Variants in SMCHD1 observed in about 807,000 individuals in gnomAD.
SMCHD1 encodes structural maintenance of chromosomes flexible hinge domain-containing protein 1.
SMCHD1 carries 78 observed loss-of-function variants against 254.7 expected under a neutral mutation model. The ratio of observed to expected loss-of-function variants is 0.31; its 90% CI spans 0.26 to 0.37. The LOEUF is 0.37. Ranked by LOEUF, SMCHD1 falls within the 10% of genes least tolerant of loss-of-function variation. SMCHD1 has a pLI of 1.00. For synonymous variants in SMCHD1, 766 were observed against 794.9 expected (o/e 0.96, Z 0.61); for missense variants, 1,840 against 2,408.1 (o/e 0.76, Z 4.94).
intron 1 of SMCHD1, among the ~76,000 whole-genome samples, chr18:2,663,816 G>T (rs897474844): frequency 1.3e-5 from 2 of 152,040 alleles, no homozygotes; most frequent in African/African-American, 4.8e-5. Context: ...CCGGGTTCAC[G>T]CCATTCTCCT....
rs1445352304 is a variant in SMCHD1, at chr18:2,784,585, G to C, written c.5683G>C (p.Val1895Leu). The change falls in exon 45 of 48, where the codon GTT becomes CTT. Residue 1895 changes from valine to leucine, a missense_variant. This residue lies in a region of SMCHD1 where 132 missense variants were observed against 138.2 expected (regional missense o/e 0.95). Transcript: ENST00000320876. ...TCGGGGAATGGTATTTGGAGCTCCA[G>C]TTCCAAAACAGTGTCTGATCTTAGG... is the stretch of plus-strand genomic sequence containing the variant. ...KLRGMVFGAP[V>L]PKQCLILGEQ... is the part of the protein sequence containing the mutation. The C allele has an allele frequency of 1.9e-6, 3 of 1,607,060 alleles. No homozygotes were observed. The highest frequency in any genetic ancestry group is 2.5e-6 in the Non-Finnish European group (3 of 1,177,602).
intron 24 of SMCHD1, among the ~76,000 whole-genome samples, chr18:2,730,901 C>G (rs1052472828): frequency 3.9e-5 from 6 of 152,086 alleles, no homozygotes; most frequent in Admixed American, 2.6e-4. Flanking sequence ...GGGCAACATA[C>G]TTTTGAGCAC....
At chr18:2,704,381 A>C (rs1221061070) in intron 13 of SMCHD1, among the ~76,000 whole-genome samples, 2 of 152,096 alleles carry the variant, frequency 1.3e-5, no homozygotes, top group Admixed American at 6.6e-5. Flanking sequence ...AATGATTTTT[A>C]AGTATTTTTT....
chr18:2,772,438 T>G, intron 41 of SMCHD1, 66 bp downstream of exon 41: 1 of 1,344,918 alleles, frequency 7.4e-7, no homozygotes, highest in Non-Finnish European at 9.8e-7. Context: ...AAAACGGGTC[T>G]TCTAAAAGTG....
In SMCHD1 at chr18:2,796,464, C is replaced by T. The variant is rs747322089; in HGVS notation, c.5936C>T (p.Thr1979Met). The change falls in exon 47 of 48, where the codon ACG (threonine) becomes ATG (methionine). Residue 1979 changes from threonine to methionine, a missense_variant. By Grantham distance (81) the Thr-to-Met change is moderately conservative (BLOSUM62 -1). Around this residue, in one of 9 missense-constraint regions of SMCHD1, gnomAD observed 132 missense variants for 138.2 expected, o/e 0.95. Coordinates refer to ENST00000320876, the MANE Select transcript of SMCHD1 (RefSeq NM_015295.3). ...DSLRHSPKVE[T>M]TDCPVPPKRM... The stretch of plus-strand genomic sequence containing the variant: ...TTGCGTCATTCACCAAAGGTTGAGA[C>T]GACAGATTGTCCAGTTCCTCCTAAA... 43 of 1,605,842 alleles carry T rather than the reference C, an allele frequency of 2.7e-5. 1 individual carries two copies. The highest frequency in any genetic ancestry group is 2.6e-4 in the South Asian group (23 of 89,072).
chr18:2,770,818 A>G (rs193108657), intron 39 of SMCHD1, among the ~76,000 whole-genome samples: 4 of 152,078 alleles, frequency 2.6e-5, no homozygotes, highest in Admixed American at 6.5e-5. Context: ...ACGGGGTTTC[A>G]CCATGTTGGC....
Position 2,666,914 on chromosome 18 carries a change from G to C in SMCHD1, c.307G>C (p.Val103Leu). ...AGTCACCTTATACCTGCTACAGTCG[G>C]TCAATCAGTTACTACTGACAGCTAC... ...DGVTLYLLQS[V>L]NQLLLTATKE... Residue 103 changes from valine (V) to leucine (L), a missense_variant, in exon 3 of 48, where the codon GTC (valine) becomes CTC (leucine). By Grantham distance (32) the Val-to-Leu change is conservative. Coordinates refer to ENST00000320876, the MANE Select transcript of SMCHD1 (RefSeq NM_015295.3). The C allele has an allele frequency of 6.2e-7, 1 of 1,613,288 alleles. No individual in the cohort carries two copies.
chr18:2,722,686 A>G (rs781673144), intron 20 of SMCHD1, 23 bp downstream of exon 20: 17 of 1,578,166 alleles, frequency 1.1e-5, no homozygotes, highest in Non-Finnish European at 1.4e-5. Flanking sequence ...ATCAATATGT[A>G]TTTGTCCTTT....
chr18:2,671,125 G>A (rs2073586959), intron 3 of SMCHD1, among the ~76,000 whole-genome samples: 1 of 151,406 alleles, frequency 6.6e-6, no homozygotes, highest in African/African-American at 2.4e-5. Context: ...TAGTAGAGAT[G>A]GGGTTTCTCC....
chr18:2,711,697 T>C (rs1373536782), intron 17 of SMCHD1, among the ~76,000 whole-genome samples: 1 of 151,704 alleles, frequency 6.6e-6, no homozygotes, highest in Non-Finnish European at 1.5e-5. Flanking sequence ...TTAGCCGGGA[T>C]GGTCTCGATC....
chr18:2,713,607 C>A (rs769587209), intron 17 of SMCHD1, among the ~76,000 whole-genome samples: 6 of 152,132 alleles, frequency 3.9e-5, no homozygotes, highest in Non-Finnish European at 7.4e-5. Context: ...ATCACTTGAA[C>A]CTGGGAGGCA....
chr18:2,673,212 C>G, intron 3 of SMCHD1, 69 bp from the exon 4 acceptor site: 1 of 1,469,158 alleles, frequency 6.8e-7, no homozygotes, highest in Non-Finnish European at 9.1e-7. Context: ...ATAGTTTCTT[C>G]TTCTTTGAAC....
At chr18:2,717,524 G>A (rs547882900) in intron 17 of SMCHD1, among the ~76,000 whole-genome samples, 2 of 152,234 alleles carry the variant, frequency 1.3e-5, no homozygotes, top group South Asian at 4.2e-4. Flanking sequence ...GTAGAGACAA[G>A]CCATCACTAT....
chr18:2,732,794 C>T (rs2075168069), intron 25 of SMCHD1, among the ~76,000 whole-genome samples: 1 of 152,178 alleles, frequency 6.6e-6, no homozygotes, highest in South Asian at 2.1e-4. Flanking sequence ...TAATCAACAT[C>T]ACCACCTTGA....
At position 2,795,163 on chromosome 18, in the gene SMCHD1, C is replaced by G. The variant is rs183189956; in HGVS notation, c.5720-786C>G. Among the ~76,000 whole-genome samples the G allele has an allele frequency of 2.4e-4, 37 of 152,206 alleles. 1 individual carries two copies. The East Asian group carries it at 5.8e-3, about 24-fold the overall frequency. ...CTGCTTCCCGGGTTCACGCCATTCT[C>G]CTGCCTCAGCCTCCCAAGTGGCTGG... On this transcript the variant is annotated intron_variant, in intron 45 of 47. Coordinates refer to ENST00000320876, the MANE Select transcript of SMCHD1 (RefSeq NM_015295.3).
At chr18:2,691,365 A>G (rs1174521969) in intron 7 of SMCHD1, among the ~76,000 whole-genome samples, 2 of 152,208 alleles carry the variant, frequency 1.3e-5, no homozygotes, top group African/African-American at 4.8e-5. Flanking sequence ...CTTGGGTACC[A>G]ACAAGTACCT....
rs535877651 is a variant in SMCHD1 at position 2,660,046 on chromosome 18, C to T, written c.186+3785C>T. On this transcript the variant is annotated intron_variant, in intron 1 of 47. Transcript: ENST00000320876. Reference sequence around the variant, plus strand: ...TTAAATATTTAAGAGAAGTTGGGGACGGCATAGTGGCTTACACCTGTAATC... The same window carrying T: ...TTAAATATTTAAGAGAAGTTGGGGATGGCATAGTGGCTTACACCTGTAATC... Among the ~76,000 whole-genome samples the T allele has an allele frequency of 5.3e-5, 8 of 152,178 alleles. No individual in the cohort carries two copies. In the South Asian group the frequency reaches 6.2e-4, roughly 12 times the overall value.
intron 4 of SMCHD1, 96 bp from the exon 5 acceptor site, chr18:2,673,915 ATAAG>A: frequency 8.4e-7 from 1 of 1,195,262 alleles, no homozygotes; most frequent in South Asian, 1.5e-5. Flanking sequence ...TCAGTAATGT[ATAAG>A]TGAGCCTGTT....
chr18:2,732,569 A>G (rs2075163749), intron 25 of SMCHD1, 77 bp downstream of exon 25: 2 of 839,228 alleles, frequency 2.4e-6, no homozygotes. Context: ...AAGCCGTTTT[A>G]TGGGTAGCAT....
Sources: gnomAD v4.1 joint callset for allele counts (sites outside exome capture counted in the v4.1 genomes callset) on GRCh38, gnomAD v4.1.1 for gene constraint, gnomAD v4.1.1 regional missense constraint, MANE v1.5 for transcripts, NCBI Gene and HGNC (gene_info 2026-07-23, HGNC 2026-07-21) for gene names.